Variants in CHD2 observed in about 807,000 individuals in gnomAD.
CHD2 encodes the protein chromodomain helicase DNA binding protein 2, also known as ATP-dependent chromatin remodeler CHD2.
Under a neutral mutation model 243.9 loss-of-function variants are expected in CHD2, and 28 were observed. That is an observed-to-expected ratio of 0.11 (90% CI 0.09 to 0.16). The LOEUF is 0.16. Ranked by LOEUF, CHD2 falls within the 10% of genes least tolerant of loss-of-function variation. CHD2 has a pLI of 1.00. For synonymous variants in CHD2, 775 were observed against 779.0 expected, an observed-to-expected ratio of 0.99 and a Z score of 0.09; for missense variants, 1,386 against 2,209.8, an observed-to-expected ratio of 0.63 and a Z score of 7.47.
At chr15:92,978,437 T>C in intron 21 of CHD2, 54 bp downstream of exon 21, 4 of 1,552,406 alleles carry the variant, frequency 2.6e-6, no homozygotes, top group Non-Finnish European at 3.5e-6. Flanking sequence ...CCAGGGGGCT[T>C]GTTCAGCCCT....
intron 25 of CHD2, 95 bp downstream of exon 25, chr15:92,984,595 C>T (rs946834154): frequency 1.2e-5 from 15 of 1,204,034 alleles, no homozygotes; most frequent in African/African-American, 3.1e-5. Flanking sequence ...GCATTGTTCC[C>T]CTGACACAGA....
chr15:93,020,285 G>T, intron 38 of CHD2, 27 bp downstream of exon 38: 2 of 1,613,854 alleles, frequency 1.2e-6, no homozygotes, highest in Non-Finnish European at 1.7e-6. Context: ...GAGACACCAG[G>T]TGCCAACCTT....
Position 92,940,874 on chromosome 15 carries a change from A to G in CHD2, c.693-948A>G, listed in dbSNP as rs1241437488. Among the ~76,000 whole-genome samples the G allele has an allele frequency of 3.7e-5, 4 of 107,908 alleles. 1 individual carries two copies. The East Asian group carries it at 1.9e-3, about 52-fold the overall frequency. The allele number at this position is 107,908 out of a possible 152,430, so 70.8% of individuals were successfully genotyped here. On this transcript the variant is annotated intron_variant, in intron 7 of 38. Coordinates refer to ENST00000394196, the MANE Select transcript of CHD2 (RefSeq NM_001271.4). ...TAAATATATAAATATATAAAAATAT[A>G]CATATAAATATATATAAAAATATAT...
At chr15:92,965,486 C>T (rs1596413939) in intron 16 of CHD2, 1 of 149,018 alleles carries the variant, frequency 6.7e-6, no homozygotes, top group East Asian at 2.0e-4. Context: ...AACCCAGGAG[C>T]CCAGGAGGCA....
At chr15:93,022,260 C>G (rs8039293) in intron 38 of CHD2, 64,818 of 152,066 alleles carry the variant, frequency 0.43, 14,952 homozygotes, top group East Asian at 0.89. Flanking sequence ...GGTGAAGTGG[C>G]AGTAGGCGTC....
At chr15:92,905,552 T>C (rs2052605204) in intron 2 of CHD2, among the ~76,000 whole-genome samples, 1 of 152,212 alleles carries the variant, frequency 6.6e-6, no homozygotes, top group Non-Finnish European at 1.5e-5. Context: ...AAAGGAGATG[T>C]TGACCCTTCA....
chr15:92,904,939 A>T, intron 2 of CHD2: 1 of 1,535,982 alleles, frequency 6.5e-7, no homozygotes, highest in Middle Eastern at 1.7e-4. Context: ...GATTATTTGA[A>T]CTTGTCCCCA....
chr15:93,002,526 A>G (rs2054270407), intron 33 of CHD2, among the ~76,000 whole-genome samples: 1 of 152,216 alleles, frequency 6.6e-6, no homozygotes, highest in African/African-American at 2.4e-5. Flanking sequence ...TTTAAAAAAG[A>G]AGGCCTTTAC....
chr15:92,980,751 A>C lies in CHD2; in HGVS notation c.2877-64A>C, dbSNP rs113696871. 1,508 of 1,129,328 alleles carry C rather than the reference A, an allele frequency of 1.3e-3. 20 individuals are homozygous for C. In the African/African-American group the frequency reaches 0.022, roughly 16 times the overall value. The allele number at this position is 1,129,328 out of a possible 1,614,324, so 70.0% of individuals were successfully genotyped here. ...CTTGACCTCTTTCTGAAGGATAGTT[A>C]TTCTGAAGTAGAACACTTTAGAGGT... On this transcript the variant is annotated intron_variant, in intron 22 of 38. Coordinates refer to ENST00000394196, the MANE Select transcript of CHD2 (RefSeq NM_001271.4).
intron 7 of CHD2, 107 bp from the exon 8 acceptor site, chr15:92,941,715 C>T: frequency 8.5e-7 from 1 of 1,173,394 alleles, no homozygotes; most frequent in East Asian, 2.6e-5. Context: ...AAACAACATG[C>T]TTTTGGAACC....
At chr15:92,910,013 T>C (rs2052701797) in intron 2 of CHD2, among the ~76,000 whole-genome samples, 1 of 151,718 alleles carries the variant, frequency 6.6e-6, no homozygotes, top group Non-Finnish European at 1.5e-5. Flanking sequence ...TATATATAAA[T>C]TTTTTCTTTT....
At chr15:92,901,322 C>CT in intron 2 of CHD2, 23 bp downstream of exon 2, 1 of 1,506,654 alleles carries the variant, frequency 6.6e-7, no homozygotes, top group Non-Finnish European at 9.2e-7. Flanking sequence ...AACTTTCTTC[C>CT]TTTTTGTCTT....
chr15:93,012,507 A>T (rs908750138), intron 36 of CHD2, 63 bp downstream of exon 36: 2 of 1,273,400 alleles, frequency 1.6e-6, no homozygotes. Context: ...AAAATCTCTT[A>T]ATTTTTGTTT....
chr15:92,947,528 T>C (rs1301636059), intron 12 of CHD2: 1 of 152,264 alleles, frequency 6.6e-6, no homozygotes, highest in Non-Finnish European at 1.5e-5. Context: ...TAGGTATTCG[T>C]ACAGCTGAGT....
At chr15:92,916,553 T>C (rs770538887) in intron 2 of CHD2, among the ~76,000 whole-genome samples, 2 of 152,222 alleles carry the variant, frequency 1.3e-5, no homozygotes, top group Non-Finnish European at 2.9e-5. Context: ...ACAGGATTCA[T>C]ACACTTTTTT....
chr15:93,012,464 C>G lies in CHD2; in HGVS notation c.4692+20C>G. The stretch of plus-strand genomic sequence containing the variant: ...GAAGAGGTAAAGTACAAATTCAGTC[C>G]TAATTCATACAAACAAATACCAATT... On this transcript the variant is annotated intron_variant, in intron 36 of 38. Coordinates refer to ENST00000394196, the MANE Select transcript of CHD2 (RefSeq NM_001271.4). The G allele has an allele frequency of 6.7e-7, 1 of 1,497,748 alleles. No individual in the cohort carries two copies. The highest frequency in any genetic ancestry group is 9.1e-7 in the Non-Finnish European group (1 of 1,099,452). The allele number at this position is 1,497,748 out of a possible 1,614,324, so 92.8% of individuals were successfully genotyped here.
intron 7 of CHD2, among the ~76,000 whole-genome samples, chr15:92,940,788 T>C (rs919433652): frequency 7.8e-6 from 1 of 127,502 alleles, no homozygotes. Context: ...ATATAAAAAA[T>C]ATATAAATAT....
At chr15:92,992,058 C>CT (rs1171265374) in intron 27 of CHD2, among the ~76,000 whole-genome samples, 3 of 152,178 alleles carry the variant, frequency 2.0e-5, no homozygotes, top group Non-Finnish European at 4.4e-5. Context: ...ACAGAAGACT[C>CT]TATTTGAAAT....
chr15:92,917,778 CT>C, intron 2 of CHD2, among the ~76,000 whole-genome samples: 1 of 152,168 alleles, frequency 6.6e-6, no homozygotes. Context: ...GGGGTGATAT[CT>C]TACACACGCA....
Sources: allele counts gnomAD v4.1 joint callset (sites outside exome capture counted in the v4.1 genomes callset), GRCh38; gene constraint gnomAD v4.1.1; transcripts MANE v1.5; gene names NCBI Gene and HGNC (gene_info 2026-07-23, HGNC 2026-07-21).